Variants in IGFL3 observed in about 807,000 individuals in gnomAD.
The protein encoded by IGFL3 is insulin growth factor-like family member 3.
Under a neutral mutation model 17.0 loss-of-function variants are expected in IGFL3, and 12 were observed. The ratio of observed to expected loss-of-function variants is 0.71; its 90% confidence interval spans 0.45 to 1.14. IGFL3 has a LOEUF of 1.14. Ranked by LOEUF, IGFL3 falls within the 50% of genes most tolerant of loss-of-function variation. The probability of loss-of-function intolerance (pLI) is 0.00; values close to 1 mark genes in which losing one functional copy is unlikely to be tolerated. For missense variants in IGFL3, 153 were observed against 151.6 expected (o/e 1.01, Z -0.05); for synonymous variants, 52 against 57.4 (o/e 0.91, Z 0.42).
intron 3 of IGFL3, among the ~76,000 whole-genome samples, chr19:46,120,811 A>G (rs891894903): frequency 1.3e-5 from 2 of 150,970 alleles, no homozygotes; most frequent in African/African-American, 4.9e-5. Flanking sequence ...AGTAAATTTC[A>G]AGTGTTCTTA....
In IGFL3 at chr19:46,124,680, AAG is replaced by A; in HGVS notation, c.-33_-32del. ...CAAAGATGCTCTAGGAGAATTGAAGAAGAGTGGTAAAAGGCTGGAACTTATGG... is the reference window on the plus strand; with the variant it reads ...CAAAGATGCTCTAGGAGAATTGAAGAAGTGGTAAAAGGCTGGAACTTATGG... On this transcript the variant is annotated 5_prime_UTR_variant, in exon 1 of 4. Transcript: ENST00000341415. 1.2e-6 allele frequency: 2 copies of A among 1,601,084 alleles called. No individual in the cohort carries two copies. The highest frequency in any genetic ancestry group is 1.7e-6 in the Non-Finnish European group (2 of 1,170,948).
Position 46,120,232 on chromosome 19 carries a change from C to G in IGFL3, c.*98G>C. On this transcript the variant is annotated 3_prime_UTR_variant, in exon 4 of 4. Coordinates refer to ENST00000341415, the MANE Select transcript of IGFL3 (RefSeq NM_207393.2). ...TGTCATTGAGCCATCCCTCTGAAGT[C>G]AAGTTGCTTCTCTCCGAAGTTCAAC... The G allele has an allele frequency of 6.4e-7, 1 of 1,558,078 alleles. No homozygotes were observed. The highest frequency in any genetic ancestry group is 1.2e-5 in the South Asian group (1 of 86,226).
At chr19:46,124,192 G>A in intron 2 of IGFL3, 36 bp from the exon 3 acceptor site, 1 of 1,609,926 alleles carries the variant, frequency 6.2e-7, no homozygotes, top group Non-Finnish European at 8.5e-7. Context: ...ATCCAAGGAA[G>A]AACAGATACT....
In IGFL3 at chr19:46,120,225, C is replaced by T. The variant is rs1227732583; in HGVS notation, c.*105G>A. The T allele has an allele frequency of 6.5e-7, 1 of 1,538,530 alleles. No individual in the cohort carries two copies. Among genetic ancestry groups the T allele is most frequent in the Non-Finnish European group, 8.8e-7 (1 of 1,133,514 alleles). On this transcript the variant is annotated 3_prime_UTR_variant, in exon 4 of 4. Transcript: ENST00000341415. ...AAAGCTATGTCATTGAGCCATCCCT[C>T]TGAAGTCAAGTTGCTTCTCTCCGAA...
intron 3 of IGFL3, 55 bp downstream of exon 3, chr19:46,123,831 G>T: frequency 2.0e-6 from 3 of 1,538,312 alleles, no homozygotes; most frequent in Non-Finnish European, 2.6e-6. Context: ...CAAGCCCTCT[G>T]TATCCCTCAT....
At position 46,124,253 on chromosome 19, in the gene IGFL3, C is replaced by T. The variant is rs1465580430; in HGVS notation, c.79+15G>A. On this transcript the variant is annotated intron_variant, in intron 2 of 3. Coordinates refer to ENST00000341415, the MANE Select transcript of IGFL3 (RefSeq NM_207393.2). ...CCACCTCTTCCCTCCTCATTTTTCCCTGTCCTGTCCTTACCTGTAGTTCCT... is the reference window on the plus strand; with the variant it reads ...CCACCTCTTCCCTCCTCATTTTTCCTTGTCCTGTCCTTACCTGTAGTTCCT... The T allele has an allele frequency of 6.2e-7, 1 of 1,610,182 alleles. No individual in the cohort carries two copies. The highest frequency in any genetic ancestry group is 8.5e-7 in the Non-Finnish European group (1 of 1,178,640).
At position 46,120,116 on chromosome 19, in the gene IGFL3, A is replaced by G; in HGVS notation, c.*214T>C. The G allele has an allele frequency of 1.6e-6, 1 of 608,628 alleles. No homozygotes were observed. 37.7% of individuals were successfully genotyped at this position (608,628 alleles called of 1,614,324 possible). On this transcript the variant is annotated 3_prime_UTR_variant, in exon 4 of 4. Transcript: ENST00000341415. ...TTTATTGCCGATGAAAGTGGCTCTCAGCGGGAAGGGGAGCTGGAAAGGGGA... is the reference window on the plus strand; with the variant it reads ...TTTATTGCCGATGAAAGTGGCTCTCGGCGGGAAGGGGAGCTGGAAAGGGGA...
intron 3 of IGFL3, among the ~76,000 whole-genome samples, chr19:46,122,557 A>C (rs1429191923): frequency 6.6e-6 from 1 of 151,116 alleles, no homozygotes; most frequent in Non-Finnish European, 1.5e-5. Flanking sequence ...AGAAAATGAC[A>C]GATTTTTTTG....
At chr19:46,122,339 T>A (rs1453599598) in intron 3 of IGFL3, among the ~76,000 whole-genome samples, 1 of 151,090 alleles carries the variant, frequency 6.6e-6, no homozygotes, top group Admixed American at 6.6e-5. Flanking sequence ...GGACAAATAC[T>A]AAATATTATA....
chr19:46,123,023 G>A lies in IGFL3; in HGVS notation c.350+863C>T, dbSNP rs184236708. ...AAATGCTATGACATGATTTTCCCAA[G>A]CATGACCTCAACTTGAAACATTAGA... On this transcript the variant is annotated intron_variant, in intron 3 of 3. Coordinates refer to ENST00000341415, the MANE Select transcript of IGFL3 (RefSeq NM_207393.2). Among the ~76,000 whole-genome samples the A allele has an allele frequency of 9.9e-5, 15 of 151,062 alleles. 1 individual carries two copies. The highest frequency in any genetic ancestry group is 3.2e-4 in the African/African-American group (13 of 40,804).
At chr19:46,121,515 G>A (rs1347533792) in intron 3 of IGFL3, among the ~76,000 whole-genome samples, 1 of 150,516 alleles carries the variant, frequency 6.6e-6, no homozygotes, top group Non-Finnish European at 1.5e-5. Flanking sequence ...ACTGAGAGGA[G>A]TAGTATTTTC....
At chr19:46,122,733 C>T (rs1971845429) in intron 3 of IGFL3, among the ~76,000 whole-genome samples, 2 of 150,994 alleles carry the variant, frequency 1.3e-5, no homozygotes, top group South Asian at 2.1e-4. Flanking sequence ...GGTTTACATA[C>T]ATTTTACATT....
rs753354012 is a variant in IGFL3, at chr19:46,124,237, CCCT to C, written c.79+28_79+30del. ...GTCTCTTTTCCCAACACCACCTCTTCCCTCCTCATTTTTCCCTGTCCTGTCCTT... is the reference window on the plus strand; with the variant it reads ...GTCTCTTTTCCCAACACCACCTCTTCCCTCATTTTTCCCTGTCCTGTCCTT... On this transcript the variant is annotated intron_variant, in intron 2 of 3. Transcript: ENST00000341415. 27 of 1,609,206 alleles carry C rather than the reference CCCT, an allele frequency of 1.7e-5. 1 individual carries two copies. The South Asian group carries it at 2.3e-4, about 14-fold the overall frequency.
intron 3 of IGFL3, among the ~76,000 whole-genome samples, chr19:46,122,847 G>A (rs1166544961): frequency 6.6e-6 from 1 of 150,800 alleles, no homozygotes; most frequent in Non-Finnish European, 1.5e-5. Context: ...GGGAGGAAGG[G>A]GAGGAAGGAC....
intron 3 of IGFL3, among the ~76,000 whole-genome samples, chr19:46,122,007 A>G (rs1385063193): frequency 6.6e-6 from 1 of 151,234 alleles, no homozygotes; most frequent in Non-Finnish European, 1.5e-5. Context: ...CCTTTATGCA[A>G]ATGACTTCAT....
rs191371129 is a variant in IGFL3 at position 46,122,008 on chromosome 19, A to G, written c.351-1651T>C. 1.8e-3 allele frequency among the ~76,000 whole-genome samples: 270 copies of G among 151,362 alleles called. 4 individuals are homozygous for G. Among genetic ancestry groups the G allele is most frequent in the South Asian group, 4.2e-3 (20 of 4,800 alleles). Reference sequence around the variant, plus strand: ...ATTTCAATGCTGTACCTTTATGCAAATGACTTCATCTATCTTTTTAAAACA... The same window carrying G: ...ATTTCAATGCTGTACCTTTATGCAAGTGACTTCATCTATCTTTTTAAAACA... On this transcript the variant is annotated intron_variant, in intron 3 of 3. Coordinates refer to ENST00000341415, the MANE Select transcript of IGFL3 (RefSeq NM_207393.2).
intron 2 of IGFL3, 25 bp downstream of exon 2, chr19:46,124,243 T>C (rs746605450): frequency 1.2e-6 from 2 of 1,609,664 alleles, no homozygotes; most frequent in Non-Finnish European, 1.7e-6. Flanking sequence ...TCTTCCCTCC[T>C]CATTTTTCCC....
rs572819850 is a variant in IGFL3, at chr19:46,123,790, C to T, written c.350+96G>A. On this transcript the variant is annotated intron_variant, in intron 3 of 3. Coordinates refer to ENST00000341415, the MANE Select transcript of IGFL3 (RefSeq NM_207393.2). ...GCTGCCACCAGCCTGACTCTTTTGC[C>T]GTTAGAACTCCACAAACAGGAGTTC... The T allele has an allele frequency of 1.1e-3, 1,492 of 1,363,224 alleles. 40 individuals carry two copies. The South Asian group carries it at 0.011, about 10-fold the overall frequency. 84.4% of individuals were successfully genotyped at this position (1,363,224 alleles called of 1,614,324 possible).
intron 3 of IGFL3, among the ~76,000 whole-genome samples, chr19:46,121,120 A>G (rs1312890332): frequency 6.7e-6 from 1 of 150,228 alleles, no homozygotes; most frequent in Non-Finnish European, 1.5e-5. Context: ...GCTCACTCCT[A>G]TAGTCCCAGC....
Sources: allele counts gnomAD v4.1 joint callset (sites outside exome capture counted in the v4.1 genomes callset), GRCh38; gene constraint gnomAD v4.1.1; transcripts MANE v1.5; gene names NCBI Gene and HGNC (gene_info 2026-07-23, HGNC 2026-07-21).